USP50: variants seen among roughly 807,000 people sequenced by gnomAD.
USP50 encodes ubiquitin carboxyl-terminal hydrolase 50.
USP50 carries 37 observed loss-of-function variants against 39.2 expected under a neutral mutation model. That is an observed-to-expected ratio of 0.94 (90% CI 0.73 to 1.24). The LOEUF (loss-of-function observed/expected upper bound fraction) is 1.24, where lower values mean the gene tolerates loss of function less well. USP50 is among the 50% of genes most tolerant of loss of function. The probability of loss-of-function intolerance (pLI) is 0.00; values close to 1 mark genes in which losing one functional copy is unlikely to be tolerated. For missense variants in USP50, 374 were observed against 398.2 expected, an observed-to-expected ratio of 0.94 and a Z score of 0.52; for synonymous variants, 139 against 144.5, an observed-to-expected ratio of 0.96 and a Z score of 0.27.
chr15:50,516,229 T>C (rs1255963454), intron 6 of USP50, among the ~76,000 whole-genome samples: 1 of 152,094 alleles, frequency 6.6e-6, no homozygotes, highest in Non-Finnish European at 1.5e-5. Flanking sequence ...ACAAAGGCTC[T>C]ACAAAATAAC....
chr15:50,506,809 T>A, intron 6 of USP50: 1 of 151,280 alleles, frequency 6.6e-6, no homozygotes, highest in Non-Finnish European at 1.5e-5. Flanking sequence ...ATACAAAAAA[T>A]TAGCCGGGCA....
In USP50 at chr15:50,500,646, T is replaced by G; in HGVS notation, c.*123A>C. On this transcript the variant is annotated 3_prime_UTR_variant, in exon 7 of 7. Transcript: ENST00000532404. The stretch of plus-strand genomic sequence containing the variant: ...TTGCAGTGTTCAGGAAACACCATTT[T>G]CCTGGCTCTTAACGCTTTTGTATTG... The G allele has an allele frequency of 1.1e-6, 1 of 902,572 alleles. No individual in the cohort carries two copies. Among genetic ancestry groups the G allele is most frequent in the Non-Finnish European group, 1.7e-6 (1 of 579,634 alleles). The allele number at this position is 902,572 out of a possible 1,614,324, so 55.9% of individuals were successfully genotyped here.
At chr15:50,531,292 C>T (rs1043607625) in intron 5 of USP50, among the ~76,000 whole-genome samples, 3 of 152,170 alleles carry the variant, frequency 2.0e-5, no homozygotes, top group African/African-American at 7.2e-5. Context: ...GTATTCCTAA[C>T]TATGCAAAAC....
At position 50,529,825 on chromosome 15, in the gene USP50, T is replaced by C. The variant is rs1486819740; in HGVS notation, c.908A>G (p.Tyr303Cys). The C allele has an allele frequency of 2.5e-6, 4 of 1,613,812 alleles. No homozygotes were observed. The East Asian group carries it at 8.9e-5, about 36-fold the overall frequency. The change falls in exon 6 of 7, where the codon TAT becomes TGT. Residue 303 changes from tyrosine to cysteine, a missense_variant. Transcript: ENST00000532404. ...TPYICSIFRKYPKYNLCAVVN... is the reference protein window; with the variant it reads ...TPYICSIFRKCPKYNLCAVVN... ...CACTGCACAGAGGTTGTATTTAGGA[T>C]ATTTCCGGAAAATTGAGCAAATATA...
At chr15:50,520,913 T>C (rs73405155) in intron 6 of USP50, among the ~76,000 whole-genome samples, 3,758 of 151,958 alleles carry the variant, frequency 0.025, 191 homozygotes, top group African/African-American at 0.087. Flanking sequence ...CATAATAGAG[T>C]CACTATAGTT....
At chr15:50,535,117 C>A (rs2052969505) in intron 5 of USP50, among the ~76,000 whole-genome samples, 1 of 151,682 alleles carries the variant, frequency 6.6e-6, no homozygotes, top group South Asian at 2.1e-4. Flanking sequence ...CCAGCCTGGG[C>A]AACAGAGTGA....
intron 5 of USP50, among the ~76,000 whole-genome samples, chr15:50,537,956 A>AAGGGT (rs1286631429): frequency 7.1e-6 from 1 of 140,266 alleles, no homozygotes; most frequent in Non-Finnish European, 1.6e-5. Flanking sequence ...AAGGGAAGGG[A>AAGGGT]AGGGTCTTAA....
At chr15:50,543,823 C>T (rs1344980997) in intron 2 of USP50, 30 bp from the exon 3 acceptor site, 1 of 1,586,590 alleles carries the variant, frequency 6.3e-7, no homozygotes. Context: ...ATGTTTCTGG[C>T]TGATTTAATG....
At position 50,509,939 on chromosome 15, in the gene USP50, T is replaced by A. The variant is rs1182930283; in HGVS notation, c.937-9102A>T. ...AATAAGAATAAAGTTGTGATGGTAA[T>A]GACTTAGGGAATAATGATGGTTCTT... On this transcript the variant is annotated intron_variant, in intron 6 of 6. Coordinates refer to ENST00000532404, the MANE Select transcript of USP50 (RefSeq NM_203494.5). 7 of 152,122 alleles carry A rather than the reference T, an allele frequency of 4.6e-5. No homozygotes were observed. In the South Asian group the frequency reaches 1.2e-3, roughly 27 times the overall value. 9.4% of individuals were successfully genotyped at this position (152,122 alleles called of 1,614,324 possible). A position where few individuals can be genotyped will look rare whatever the true frequency, so the allele number is the denominator to read the frequency against.
At chr15:50,517,529 G>A (rs1198131065) in intron 6 of USP50, among the ~76,000 whole-genome samples, 2 of 151,836 alleles carry the variant, frequency 1.3e-5, no homozygotes, top group East Asian at 3.9e-4. Context: ...AATCACAATG[G>A]CATTAAACCA....
At chr15:50,528,657 G>A (rs180709878) in intron 6 of USP50, among the ~76,000 whole-genome samples, 38 of 152,316 alleles carry the variant, frequency 2.5e-4, no homozygotes, top group Non-Finnish European at 4.9e-4. Flanking sequence ...GAAAAACCAT[G>A]TTTGGGAGCA....
At chr15:50,532,265 G>T (rs1449688615) in intron 5 of USP50, 1 of 455,728 alleles carries the variant, frequency 2.2e-6, no homozygotes, top group South Asian at 1.6e-5. Flanking sequence ...TCTGAAATAG[G>T]CTAAAGCACC....
At chr15:50,505,839 C>T (rs777704018) in intron 6 of USP50, 1 of 152,298 alleles carries the variant, frequency 6.6e-6, no homozygotes, top group African/African-American at 2.4e-5. Context: ...TGCCTGTAGT[C>T]CCAGCTACTT....
At chr15:50,499,388 C>CT (rs36042420), downstream of USP50, 425 of 197,588 alleles carry the variant, frequency 2.2e-3, no homozygotes, top group Middle Eastern at 4.0e-3. Context: ...CTATTGTTAT[C>CT]TTTTTTTTTT....
At chr15:50,537,419 G>C (rs991039792) in intron 5 of USP50, among the ~76,000 whole-genome samples, 1 of 151,792 alleles carries the variant, frequency 6.6e-6, no homozygotes, top group Non-Finnish European at 1.5e-5. Context: ...CAACACGAAA[G>C]GCCTGCTTTA....
Position 50,541,176 on chromosome 15 carries a change from G to C in USP50, c.533C>G (p.Thr178Ser). 1 of 1,613,882 alleles carries C rather than the reference G, an allele frequency of 6.2e-7. No individual in the cohort carries two copies. Among genetic ancestry groups the C allele is most frequent in the Non-Finnish European group, 8.5e-7 (1 of 1,179,820 alleles). The change falls in exon 4 of 7, where the codon ACC (threonine) becomes AGC (serine). Residue 178 changes from threonine to serine, a missense_variant. Thr to Ser is a moderately conservative substitution (Grantham distance 58). Transcript: ENST00000532404. ...ATTGAGCTGCTCTTCAAACAGCTGG[G>C]TGATGATGGATGTCTCAGTGGTAAT... ...KWITTETSIITQLFEEQLNYS... is the reference protein window; with the variant it reads ...KWITTETSIISQLFEEQLNYS...
intron 6 of USP50, among the ~76,000 whole-genome samples, chr15:50,528,993 C>T (rs1475480298): frequency 6.6e-6 from 1 of 152,120 alleles, no homozygotes; most frequent in Non-Finnish European, 1.5e-5. Context: ...CACAGAATGG[C>T]TTGCTACTTG....
At chr15:50,495,330 A>G (rs945063001) in intron 1 of USP50, among the ~76,000 whole-genome samples, 1 of 46,198 alleles carries the variant, frequency 2.2e-5, no homozygotes, top group African/African-American at 1.1e-4. Flanking sequence ...ATATATACAC[A>G]TATATATACA....
At position 50,540,952 on chromosome 15, in the gene USP50, C is replaced by G. The variant is rs148394942; in HGVS notation, c.660+97G>C. 14 of 886,690 alleles carry G rather than the reference C, an allele frequency of 1.6e-5. No individual in the cohort carries two copies. The East Asian group carries it at 3.7e-4, about 23-fold the overall frequency. 54.9% of individuals were successfully genotyped at this position (886,690 alleles called of 1,614,324 possible). A position where few individuals can be genotyped will look rare whatever the true frequency, so the allele number is the denominator to read the frequency against. ...TTTTTTTTAAATTAAAGTTATAAAGCCGTCTCTCATACTAAACAAATGTAG... is the reference window on the plus strand; with the variant it reads ...TTTTTTTTAAATTAAAGTTATAAAGGCGTCTCTCATACTAAACAAATGTAG... On this transcript the variant is annotated intron_variant, in intron 4 of 6. Coordinates refer to ENST00000532404, the MANE Select transcript of USP50 (RefSeq NM_203494.5).
Sources: allele counts gnomAD v4.1 joint callset (sites outside exome capture counted in the v4.1 genomes callset), GRCh38; gene constraint gnomAD v4.1.1; transcripts MANE v1.5; gene names NCBI Gene and HGNC (gene_info 2026-07-23, HGNC 2026-07-21).